SEZ6L2: variants seen among roughly 807,000 people sequenced by gnomAD.
SEZ6L2 encodes seizure related 6 homolog like 2.
A neutral mutation model predicts 97.0 loss-of-function variants in SEZ6L2; 44 were observed. The ratio of observed to expected loss-of-function variants is 0.45; its 90% CI spans 0.36 to 0.58. SEZ6L2 has a LOEUF of 0.58. SEZ6L2 is among the 20% of genes least tolerant of loss of function. The pLI, the probability that SEZ6L2 is intolerant of heterozygous loss-of-function variation, is 0.00. For missense variants in SEZ6L2, 1,086 were observed against 1,233.3 expected, an observed-to-expected ratio of 0.88 and a Z score of 1.79; for synonymous variants, 543 against 546.1, an observed-to-expected ratio of 0.99 and a Z score of 0.08.
rs373375506 is a variant in SEZ6L2 at position 29,880,307 on chromosome 16, C to T, written c.1373-243G>A. ...CCTCCCAGGTAGCTGGGATTGCAGG[C>T]GTGCACCACCATGCCCAGCTATTTT... On this transcript the variant is annotated intron_variant, in intron 8 of 17. Transcript: ENST00000617533. Among the ~76,000 whole-genome samples, 11 of 151,340 alleles carry T rather than the reference C, an allele frequency of 7.3e-5. 1 individual carries two copies. Among genetic ancestry groups the T allele is most frequent in the South Asian group, 2.1e-4 (1 of 4,794 alleles).
At chr16:29,881,974 A>ATTT (rs201885407) in intron 8 of SEZ6L2, among the ~76,000 whole-genome samples, 1 of 76,800 alleles carries the variant, frequency 1.3e-5, no homozygotes, top group Non-Finnish European at 2.7e-5. Context: ...TTAATATTTT[A>ATTT]TTTTTTTATT....
rs2068201305 is a variant in SEZ6L2, at chr16:29,888,690, C to T, written c.889G>A (p.Ala297Thr). 6.2e-7 allele frequency: 1 copy of T among 1,613,596 alleles called. No individual in the cohort carries two copies. Among genetic ancestry groups the T allele is most frequent in the East Asian group, 2.2e-5 (1 of 44,876 alleles). ...TCCGTCACACTCACGTCCCCATGGGCCGGCCGGGGAGGGAAGCCACAGCTC... is the reference window on the plus strand; with the variant it reads ...TCCGTCACACTCACGTCCCCATGGGTCGGCCGGGGAGGGAAGCCACAGCTC... ...LLSCGFPPRPAHGDVSVTDLH... is the reference protein window; with the variant it reads ...LLSCGFPPRPTHGDVSVTDLH... Residue 297 changes from alanine (A) to threonine (T), a missense_variant, in exon 6 of 18, where the codon GCC becomes ACC. Around this residue, in one of 2 missense-constraint regions of SEZ6L2, gnomAD observed 776 missense variants for 794.7 expected, o/e 0.98. Coordinates refer to ENST00000617533, the MANE Select transcript of SEZ6L2 (RefSeq NM_001243332.2).
At chr16:29,896,179 G>T (rs1220808997) in intron 3 of SEZ6L2, among the ~76,000 whole-genome samples, 1 of 152,114 alleles carries the variant, frequency 6.6e-6, no homozygotes, top group African/African-American at 2.4e-5. Flanking sequence ...TCCCAGGCTG[G>T]ACTCAAACTC....
chr16:29,887,305 CTT>C (rs1037378473), intron 7 of SEZ6L2, among the ~76,000 whole-genome samples: 14 of 140,396 alleles, frequency 1.0e-4, no homozygotes, highest in Admixed American at 1.4e-4. Flanking sequence ...GTGGGGACTT[CTT>C]TTTTTTTTTT....
chr16:29,887,712 G>T lies in SEZ6L2; in HGVS notation c.1145C>A (p.Ala382Glu). 6.2e-7 allele frequency: 1 copy of T among 1,612,182 alleles called. No homozygotes were observed. The highest frequency in any genetic ancestry group is 8.5e-7 in the Non-Finnish European group (1 of 1,178,906). ...CAGGTGCAGCCGGCGCCCCTCAGCT[G>T]CTTCAATGACCCAACGGCAGGTGAG... The part of the protein sequence containing the change: ...PNLTCRWVIE[A>E]AEGRRLHLHF... The change falls in exon 7 of 18, where the codon GCA (alanine) becomes GAA (glutamate). Residue 382 changes from alanine to glutamate, a missense_variant. Ala to Glu is a moderately radical substitution (Grantham distance 107). Coordinates refer to ENST00000617533, the MANE Select transcript of SEZ6L2 (RefSeq NM_001243332.2).
rs750116221 is a variant in SEZ6L2 at position 29,898,993 on chromosome 16, C to T, written c.27G>A (p.Pro9=). The T allele has an allele frequency of 6.2e-7, 1 of 1,610,398 alleles. No homozygotes were observed. The highest frequency in any genetic ancestry group is 8.5e-7 in the Non-Finnish European group (1 of 1,178,950). ...TTAGGAACAGCAGCTGGGGAGGCGG[C>T]GGGTGCTGGGCCCTGGGAGTCCCCA... MGTPRAQH[P]PPPQLLFLIL... Residue 9 remains proline, a synonymous_variant, in exon 1 of 18, where the codon CCG becomes CCA. Coordinates refer to ENST00000617533, the MANE Select transcript of SEZ6L2 (RefSeq NM_001243332.2).
At chr16:29,897,711 G>T in intron 2 of SEZ6L2, 142 bp downstream of exon 2, 3 of 1,017,126 alleles carry the variant, frequency 2.9e-6, no homozygotes, top group Non-Finnish European at 4.2e-6. Flanking sequence ...CTCGTTCTGT[G>T]TTCCCTGAAT....
chr16:29,881,506 T>C (rs1407887223), intron 8 of SEZ6L2, among the ~76,000 whole-genome samples: 3 of 151,838 alleles, frequency 2.0e-5, no homozygotes, highest in Non-Finnish European at 4.4e-5. Context: ...TTACTTCAAG[T>C]CAGCAAAAGT....
intron 1 of SEZ6L2, among the ~76,000 whole-genome samples, chr16:29,898,280 C>T (rs913680875): frequency 3.9e-5 from 6 of 152,206 alleles, no homozygotes; most frequent in Non-Finnish European, 8.8e-5. Flanking sequence ...GAGGGGTCGC[C>T]GGTGCTGCCT....
rs906975567 is a variant in SEZ6L2 at position 29,872,597 on chromosome 16, G to C, written c.2528-71C>G. 250 of 1,598,896 alleles carry C rather than the reference G, an allele frequency of 1.6e-4. 2 individuals carry two copies. The highest frequency in any genetic ancestry group is 6.8e-6 in the Non-Finnish European group (8 of 1,169,124). The stretch of plus-strand genomic sequence containing the variant: ...TGGGCTCTCCCAGCCTCCTGCCCTG[G>C]GCCTCAAACCCTGGGCTTCATCCCT... On this transcript the variant is annotated intron_variant, in intron 15 of 17. Transcript: ENST00000617533.
chr16:29,898,985 G>T lies in SEZ6L2; in HGVS notation c.35C>A (p.Pro12His). 6.2e-7 allele frequency: 1 copy of T among 1,611,840 alleles called. No individual in the cohort carries two copies. Among genetic ancestry groups the T allele is most frequent in the Non-Finnish European group, 8.5e-7 (1 of 1,179,602 alleles). The stretch of plus-strand genomic sequence containing the variant: ...CAGCAGAATTAGGAACAGCAGCTGG[G>T]GAGGCGGCGGGTGCTGGGCCCTGGG... ...GTPRAQHPPP[P>H]QLLFLILLSC... The change falls in exon 1 of 18, where the codon CCC becomes CAC. Residue 12 changes from proline to histidine, a missense_variant. Pro to His is a moderately conservative substitution (Grantham distance 77). Coordinates refer to ENST00000617533, the MANE Select transcript of SEZ6L2 (RefSeq NM_001243332.2).
chr16:29,884,930 G>A (rs1337975596), intron 8 of SEZ6L2, among the ~76,000 whole-genome samples: 5 of 149,724 alleles, frequency 3.3e-5, no homozygotes, highest in African/African-American at 1.2e-4. Flanking sequence ...AATAAAGGCC[G>A]GGCGCGGTGG....
rs2067841969 is a variant in SEZ6L2, at chr16:29,873,819, GA to G, written c.2105-91del. 7 of 1,250,516 alleles carry G rather than the reference GA, an allele frequency of 5.6e-6. No individual in the cohort carries two copies. The East Asian group carries it at 1.7e-4, about 31-fold the overall frequency. 77.5% of individuals were successfully genotyped at this position (1,250,516 alleles called of 1,614,324 possible). On this transcript the variant is annotated intron_variant, in intron 12 of 17. Coordinates refer to ENST00000617533, the MANE Select transcript of SEZ6L2 (RefSeq NM_001243332.2). The surrounding 1 kb of genome is among the most constrained non-coding windows in gnomAD (Gnocchi z 4.3). ...AGAGACCCCATCTCTACAAAAAATT[GA>G]AAAATTAGCCAGGAGTGGTGGCGCA...
At chr16:29,874,554 T>TG (rs2067860631) in intron 12 of SEZ6L2, among the ~76,000 whole-genome samples, 2 of 64,802 alleles carry the variant, frequency 3.1e-5, no homozygotes, top group South Asian at 4.9e-4. Context: ...GTGCTTGTTT[T>TG]TTTTTTTTTT....
Position 29,885,606 on chromosome 16 carries a change from A to G in SEZ6L2, c.1352T>C (p.Leu451Pro). Reference protein sequence around the residue: ...LLSETPANPLLLSLRFEAFEE... With the variant: ...LLSETPANPLPLSLRFEAFEE... ...CTTACCTTCAAATCGAAGGCTTAAC[A>G]GCAGGGGATTGGCAGGTGTCTCTGA... Residue 451 changes from leucine to proline, a missense_variant, in exon 8 of 18, where the codon CTG (leucine) becomes CCG (proline). Physicochemically the swap from Leu to Pro is moderately conservative, Grantham distance 98. Around this residue, in one of 2 missense-constraint regions of SEZ6L2, gnomAD observed 776 missense variants for 794.7 expected, o/e 0.98. Transcript: ENST00000617533. The G allele has an allele frequency of 6.2e-7, 1 of 1,613,944 alleles. No individual in the cohort carries two copies. Among genetic ancestry groups the G allele is most frequent in the Non-Finnish European group, 8.5e-7 (1 of 1,179,878 alleles).
At position 29,876,624 on chromosome 16, in the gene SEZ6L2, G is replaced by A; in HGVS notation, c.2104+132C>T. 2 of 817,736 alleles carry A rather than the reference G, an allele frequency of 2.4e-6. No individual in the cohort carries two copies. The highest frequency in any genetic ancestry group is 1.9e-6 in the Non-Finnish European group (1 of 537,396). 50.7% of individuals were successfully genotyped at this position (817,736 alleles called of 1,614,324 possible). On this transcript the variant is annotated intron_variant, in intron 12 of 17. Transcript: ENST00000617533. The surrounding 1 kb of genome is among the most constrained non-coding windows in gnomAD (Gnocchi z 6.5). ...ACTAAAGGGCATGGGGGCAGGCCTTGAAGAAGATCCAGGAAGGACCCCGAG... is the reference window on the plus strand; with the variant it reads ...ACTAAAGGGCATGGGGGCAGGCCTTAAAGAAGATCCAGGAAGGACCCCGAG...
chr16:29,895,589 A>C (rs2068368056), intron 4 of SEZ6L2, 129 bp from the exon 5 acceptor site: 2 of 1,422,898 alleles, frequency 1.4e-6, no homozygotes, highest in Non-Finnish European at 1.9e-6. Context: ...AAGTTGTAGA[A>C]ATCTAGAAGA....
Position 29,877,397 on chromosome 16 carries a change from G to C in SEZ6L2, c.1783C>G (p.Gln595Glu). The change falls in exon 11 of 18, where the codon CAG becomes GAG. Residue 595 changes from glutamine (Q) to glutamate (E), a missense_variant. This residue lies in a region of SEZ6L2 where 776 missense variants were observed against 794.7 expected (regional missense o/e 0.98). Transcript: ENST00000617533. ...CGGCGCGGCTGAGGTCCCCGCAGCT[G>C]GGCCAAGACTCGGGCGCTGGGACCG... ...GDGPSARVLA[Q>E]LRGPQPRRRL... The C allele has an allele frequency of 1.2e-6, 2 of 1,613,168 alleles. No individual in the cohort carries two copies. The highest frequency in any genetic ancestry group is 1.3e-5 in the African/African-American group (1 of 75,038).
At chr16:29,878,256 C>T in intron 10 of SEZ6L2, 31 bp downstream of exon 10, 2 of 1,563,806 alleles carry the variant, frequency 1.3e-6, no homozygotes, top group South Asian at 1.2e-5. Context: ...GAGCCTACAC[C>T]CGTCGCACCC....
Sources: gnomAD v4.1 joint callset for allele counts (sites outside exome capture counted in the v4.1 genomes callset) on GRCh38, gnomAD v4.1.1 for gene constraint, gnomAD v4.1.1 regional missense constraint, Gnocchi (gnomAD v3.1) non-coding constraint, MANE v1.5 for transcripts, NCBI Gene and HGNC (gene_info 2026-07-23, HGNC 2026-07-21) for gene names.